The following AGMO variants were observed in gnomAD, a reference collection of about 807,000 sequenced individuals.
The protein encoded by AGMO is alkylglycerol monooxygenase.
Under a neutral mutation model 60.2 loss-of-function variants are expected in AGMO, and 75 were observed. The ratio of observed to expected loss-of-function variants is 1.25; its 90% CI spans 1.03 to 1.51. AGMO has a LOEUF of 1.51. Among genes scored for constraint, AGMO ranks in the 40% most tolerant of loss-of-function variants. The pLI, the probability that AGMO is intolerant of heterozygous loss-of-function variation, is 0.00. For synonymous variants in AGMO, 261 were observed against 177.1 expected (o/e 1.47, Z -3.76); for missense variants, 763 against 525.5 (o/e 1.45, Z -4.42).
intron 5 of AGMO, among the ~76,000 whole-genome samples, chr7:15,416,023 T>TTTC (rs1780757816): frequency 7.9e-6 from 1 of 126,944 alleles, no homozygotes; most frequent in Non-Finnish European, 1.8e-5. Flanking sequence ...TCTTTTCTTT[T>TTTC]TTTCTTTTTT....
intron 10 of AGMO, among the ~76,000 whole-genome samples, chr7:15,384,964 T>C (rs1783856226): frequency 6.6e-6 from 1 of 152,068 alleles, no homozygotes; most frequent in Non-Finnish European, 1.5e-5. Flanking sequence ...CCTGGTCTAG[T>C]GCTCTTCTAT....
downstream of AGMO, among the ~76,000 whole-genome samples, chr7:15,197,334 A>G (rs1781145992): frequency 2.0e-5 from 3 of 152,190 alleles, no homozygotes; most frequent in Non-Finnish European, 1.5e-5. Flanking sequence ...TCTATTGCAG[A>G]TTCCACACTG....
chr7:15,218,872 A>C (rs1198927692), intron 12 of AGMO, among the ~76,000 whole-genome samples: 1 of 152,112 alleles, frequency 6.6e-6, no homozygotes, highest in African/African-American at 2.4e-5. Flanking sequence ...TTAACAGAAA[A>C]ATTGAAAGAG....
At chr7:15,346,437 T>C (rs1782034041) in intron 12 of AGMO, among the ~76,000 whole-genome samples, 1 of 152,070 alleles carries the variant, frequency 6.6e-6, no homozygotes. Context: ...TTCACGTGTT[T>C]TGTGCTTAGG....
At chr7:15,131,721 T>A in the AGMO span, among the ~76,000 whole-genome samples, 1 of 151,170 alleles carries the variant, frequency 6.6e-6, no homozygotes, top group African/African-American at 2.4e-5. Context: ...ACAGAAAAGC[T>A]GTTATCACAC....
chr7:15,172,902 T>A, the AGMO span, among the ~76,000 whole-genome samples: 1 of 152,188 alleles, frequency 6.6e-6, no homozygotes, highest in Non-Finnish European at 1.5e-5. Context: ...ATTTTATATC[T>A]GAAAAACCTT....
chr7:15,493,444 G>A (rs997572834), intron 3 of AGMO, among the ~76,000 whole-genome samples: 3 of 139,638 alleles, frequency 2.1e-5, no homozygotes, highest in Non-Finnish European at 3.0e-5. Flanking sequence ...CGCGATCTCG[G>A]CTCACTGCAA....
intron 5 of AGMO, among the ~76,000 whole-genome samples, chr7:15,416,483 G>C (rs566890309): frequency 1.3e-5 from 2 of 151,980 alleles, no homozygotes; most frequent in South Asian, 4.2e-4. Context: ...TAATGTGATT[G>C]ATTTTAGGAG....
chr7:15,504,364 C>A (rs1032290202), intron 3 of AGMO, among the ~76,000 whole-genome samples: 6 of 151,936 alleles, frequency 3.9e-5, no homozygotes, highest in Admixed American at 2.0e-4. Flanking sequence ...CCAAGCCTGG[C>A]CTTCTCTGAT....
At chr7:15,355,395 C>A (rs962103358) in intron 12 of AGMO, among the ~76,000 whole-genome samples, 1 of 147,218 alleles carries the variant, frequency 6.8e-6, no homozygotes, top group Non-Finnish European at 1.5e-5. Context: ...CCCAGCTACT[C>A]GGGAGGCTGA....
At chr7:15,305,399 A>G (rs557758010) in intron 12 of AGMO, among the ~76,000 whole-genome samples, 16 of 152,116 alleles carry the variant, frequency 1.1e-4, no homozygotes, top group East Asian at 5.8e-4. Flanking sequence ...CAATTTGAGT[A>G]AAGTATTTTC....
In AGMO at chr7:15,247,457, C is replaced by CAGAGAGAG. The variant is rs1264615405; in HGVS notation, c.1264-46099_1264-46098insCTCTCTCT. On this transcript the variant is annotated intron_variant, in intron 12 of 12. Coordinates refer to ENST00000342526, the MANE Select transcript of AGMO (RefSeq NM_001004320.2). ...ACACACACACACACACACACACACA[C>CAGAGAGAG]ACAGAGAGAGAGAGAGAGAGAGGGA... Among the ~76,000 whole-genome samples, 620 of 119,360 alleles carry CAGAGAGAG rather than the reference C, an allele frequency of 5.2e-3. 2 individuals carry two copies. Among genetic ancestry groups the CAGAGAGAG allele is most frequent in the African/African-American group, 0.02 (565 of 28,822 alleles). 78.3% of individuals were successfully genotyped at this position (119,360 alleles called of 152,430 possible).
chr7:15,485,743 A>T (rs1227563375), intron 3 of AGMO, among the ~76,000 whole-genome samples: 1 of 151,910 alleles, frequency 6.6e-6, no homozygotes, highest in Non-Finnish European at 1.5e-5. Context: ...GATCATTACC[A>T]GGATTGTGTT....
rs1237055699 is a variant in AGMO at position 15,350,633 on chromosome 7, A to G, written c.1263+14881T>C. On this transcript the variant is annotated intron_variant, in intron 12 of 12. Coordinates refer to ENST00000342526, the MANE Select transcript of AGMO (RefSeq NM_001004320.2). ...ACTGTTCATGGGTTCAATAAAAAAG[A>G]GCTGGAATTTGTTCCTAGATCTGAA... 3.3e-5 allele frequency among the ~76,000 whole-genome samples: 5 copies of G among 152,170 alleles called. No individual in the cohort carries two copies. The East Asian group carries it at 9.6e-4, about 29-fold the overall frequency.
chr7:15,210,902 C>T (rs1240043447), intron 12 of AGMO, among the ~76,000 whole-genome samples: 3 of 151,934 alleles, frequency 2.0e-5, no homozygotes, highest in Non-Finnish European at 4.4e-5. Context: ...TTTATGAAAA[C>T]CAGCTTTGGA....
chr7:15,235,379 CT>C (rs1474528800), intron 12 of AGMO, among the ~76,000 whole-genome samples: 1 of 152,024 alleles, frequency 6.6e-6, no homozygotes, highest in African/African-American at 2.4e-5. Context: ...CACTGAATGA[CT>C]AGAGTGTTAA....
chr7:15,463,441 C>A (rs755434280), intron 3 of AGMO, among the ~76,000 whole-genome samples: 1 of 152,120 alleles, frequency 6.6e-6, no homozygotes, highest in African/African-American at 2.4e-5. Flanking sequence ...CACACTCACC[C>A]AAACTGGCGA....
chr7:15,190,682 A>T, the AGMO span, among the ~76,000 whole-genome samples: 1 of 152,176 alleles, frequency 6.6e-6, no homozygotes, highest in African/African-American at 2.4e-5. Flanking sequence ...AACCTTATTA[A>T]TTCATTACCA....
chr7:15,385,364 C>A, intron 10 of AGMO, 82 bp downstream of exon 10: 2 of 934,442 alleles, frequency 2.1e-6, no homozygotes, highest in Non-Finnish European at 3.4e-6. Context: ...TATATGACAG[C>A]CTTAATATGG....
Sources: allele counts gnomAD v4.1 joint callset (sites outside exome capture counted in the v4.1 genomes callset), GRCh38; gene constraint gnomAD v4.1.1; transcripts MANE v1.5; gene names NCBI Gene and HGNC (gene_info 2026-07-23, HGNC 2026-07-21).